Variants in NGEF observed in about 807,000 individuals in gnomAD.
NGEF encodes ephexin-1.
NGEF carries 31 observed loss-of-function variants against 80.9 expected under a neutral mutation model. That is an observed-to-expected ratio of 0.38 (90% CI 0.29 to 0.52). The LOEUF is 0.52. Among genes scored for constraint, NGEF ranks in the 20% least tolerant of loss-of-function variants. NGEF has a pLI of 0.84. For missense variants in NGEF, 709 were observed against 926.2 expected (o/e 0.77, Z 3.04); for synonymous variants, 371 against 370.2 (o/e 1.00, Z -0.03).
chr2:232,888,138 A>C (rs781043286), intron 8 of NGEF, 31 bp from the exon 9 acceptor site: 2 of 1,535,808 alleles, frequency 1.3e-6, no homozygotes, highest in South Asian at 1.2e-5. Context: ...CGTTAACTTT[A>C]ATCTTTTCTG....
intron 5 of NGEF, chr2:232,901,290 C>T (rs1692347412): frequency 2.3e-6 from 2 of 884,544 alleles, no homozygotes; most frequent in South Asian, 5.2e-5. Flanking sequence ...TGCCTCCGCA[C>T]TCGGATCAAC....
At chr2:232,883,864 T>C in intron 11 of NGEF, 117 bp downstream of exon 11, 1 of 1,123,464 alleles carries the variant, frequency 8.9e-7, no homozygotes, top group Non-Finnish European at 1.2e-6. Context: ...CCTTTAAACC[T>C]GACCGAAGAG....
At chr2:233,010,438 C>T (rs140050557) in intron 1 of NGEF, among the ~76,000 whole-genome samples, 250 of 152,312 alleles carry the variant, frequency 1.6e-3, no homozygotes, top group Non-Finnish European at 2.7e-3. Flanking sequence ...CCCAGTTCTT[C>T]TCCTCCTCCT....
intron 5 of NGEF, among the ~76,000 whole-genome samples, chr2:232,902,352 C>G (rs1413543772): frequency 2.0e-5 from 3 of 152,232 alleles, no homozygotes; most frequent in Non-Finnish European, 4.4e-5. Flanking sequence ...GCCCAGCCCG[C>G]TGCAGCGCAG....
chr2:232,919,382 C>T (rs892010973), intron 5 of NGEF, among the ~76,000 whole-genome samples: 2 of 151,790 alleles, frequency 1.3e-5, no homozygotes, highest in East Asian at 1.9e-4. Context: ...TGAGACGGAG[C>T]GGAAGAGGAC....
At chr2:232,983,071 C>T (rs1159619452) in intron 1 of NGEF, among the ~76,000 whole-genome samples, 1 of 152,182 alleles carries the variant, frequency 6.6e-6, no homozygotes, top group African/African-American at 2.4e-5. Flanking sequence ...TCACCCTGCC[C>T]TGGGGATGGC....
Position 232,930,326 on chromosome 2 carries a change from CT to C in NGEF, c.384-3141del, listed in dbSNP as rs35840661. Among the ~76,000 whole-genome samples, 523 of 144,428 alleles carry C rather than the reference CT, an allele frequency of 3.6e-3. 7 individuals are homozygous for C. Among genetic ancestry groups the C allele is most frequent in the African/African-American group, 0.012 (485 of 39,394 alleles). 94.8% of individuals were successfully genotyped at this position (144,428 alleles called of 152,430 possible). A position where few individuals can be genotyped will look rare whatever the true frequency, so the allele number is the denominator to read the frequency against. On this transcript the variant is annotated intron_variant, in intron 3 of 14. Coordinates refer to ENST00000264051, the MANE Select transcript of NGEF (RefSeq NM_019850.3). ...AGTACTCTGGGCTCTCTCTCTCTCT[CT>C]TTTTTTTTTTGAAATGGACTCTCGC...
chr2:232,962,041 T>C (rs1693963730), intron 3 of NGEF, among the ~76,000 whole-genome samples: 1 of 152,094 alleles, frequency 6.6e-6, no homozygotes, highest in Admixed American at 6.6e-5. Flanking sequence ...CTACCTGGAG[T>C]CTCCAGGATC....
intron 13 of NGEF, 76 bp downstream of exon 13, chr2:232,882,110 G>T: frequency 1.5e-6 from 2 of 1,340,738 alleles, no homozygotes; most frequent in Non-Finnish European, 2.1e-6. Context: ...TCCAGGCAGG[G>T]CACACCGTGC....
chr2:233,001,346 C>A (rs1694974166), intron 1 of NGEF, among the ~76,000 whole-genome samples: 1 of 152,216 alleles, frequency 6.6e-6, no homozygotes, highest in Admixed American at 6.5e-5. Flanking sequence ...CTCAAGTGTG[C>A]AGTGCTAGAA....
In NGEF at chr2:233,004,004, G is replaced by A. The variant is rs1045393557; in HGVS notation, c.-75+9064C>T. On this transcript the variant is annotated intron_variant, in intron 1 of 14. Transcript: ENST00000264051. ...TTCTGACCTCCTTGCCTGGGTGAGG[G>A]CAGACAGATGTCACAGTGATTCAGT... Among the ~76,000 whole-genome samples, 5 of 152,120 alleles carry A rather than the reference G, an allele frequency of 3.3e-5. No individual in the cohort carries two copies. In the East Asian group the frequency reaches 9.7e-4, roughly 29 times the overall value.
At chr2:232,967,706 GGTGTGTGT>G (rs10686172) in intron 3 of NGEF, among the ~76,000 whole-genome samples, 2 of 148,344 alleles carry the variant, frequency 1.3e-5, no homozygotes, top group African/African-American at 2.5e-5. Flanking sequence ...ATAAAATAGG[GGTGTGTGT>G]GTGTGTGTGT....
intron 14 of NGEF, among the ~76,000 whole-genome samples, chr2:232,880,329 A>G (rs1390684147): frequency 6.6e-6 from 1 of 152,222 alleles, no homozygotes; most frequent in African/African-American, 2.4e-5. Flanking sequence ...GATCTGTAGC[A>G]TATCCCAACC....
At chr2:232,942,266 ACT>A (rs1372561726) in intron 3 of NGEF, among the ~76,000 whole-genome samples, 1 of 152,166 alleles carries the variant, frequency 6.6e-6, no homozygotes, top group Non-Finnish European at 1.5e-5. Flanking sequence ...TGGGAAGTTA[ACT>A]CTCTGTCCTG....
chr2:232,943,741 C>T (rs56413962), intron 3 of NGEF, among the ~76,000 whole-genome samples: 11 of 150,554 alleles, frequency 7.3e-5, no homozygotes, highest in Non-Finnish European at 1.3e-4. Flanking sequence ...GTGATCCGCC[C>T]GCCTCAGCCT....
intron 3 of NGEF, among the ~76,000 whole-genome samples, chr2:232,958,150 G>A (rs1693870503): frequency 6.6e-6 from 1 of 152,174 alleles, no homozygotes; most frequent in African/African-American, 2.4e-5. Flanking sequence ...GGATGCCAGA[G>A]AGGAAACTAA....
intron 4 of NGEF, among the ~76,000 whole-genome samples, chr2:232,921,316 A>AG (rs575955031): frequency 1.1e-4 from 16 of 152,108 alleles, no homozygotes; most frequent in South Asian, 6.2e-4. Context: ...TGGGATGGTG[A>AG]GGGGTAATCC....
At chr2:232,912,066 CA>C (rs1227170341) in intron 5 of NGEF, among the ~76,000 whole-genome samples, 1 of 152,178 alleles carries the variant, frequency 6.6e-6, no homozygotes, top group African/African-American at 2.4e-5. Flanking sequence ...AAGGAACAGA[CA>C]GCCTTCCCTT....
intron 3 of NGEF, among the ~76,000 whole-genome samples, chr2:232,937,758 C>T (rs1425419717): frequency 2.0e-5 from 3 of 152,158 alleles, no homozygotes; most frequent in Non-Finnish European, 4.4e-5. Flanking sequence ...GGAGCATCAG[C>T]TTTTGCTTGG....
Sources: gnomAD v4.1 joint callset for allele counts (sites outside exome capture counted in the v4.1 genomes callset) on GRCh38, gnomAD v4.1.1 for gene constraint, MANE v1.5 for transcripts, NCBI Gene and HGNC (gene_info 2026-07-23, HGNC 2026-07-21) for gene names.